CMSS1: variants seen among roughly 807,000 people sequenced by gnomAD.
CMSS1 encodes cms1 ribosomal small subunit homolog, also known as protein CMSS1.
Under a neutral mutation model 43.5 loss-of-function variants are expected in CMSS1, and 33 were observed. The observed-to-expected ratio is 0.76, with a 90% CI of 0.57 to 1.01. CMSS1 has a LOEUF of 1.01. CMSS1 is among the 50% of genes least tolerant of loss of function. CMSS1 has a pLI of 0.00. For synonymous variants in CMSS1, 115 were observed against 117.2 expected, an observed-to-expected ratio of 0.98 and a Z score of 0.12; for missense variants, 313 against 326.4, an observed-to-expected ratio of 0.96 and a Z score of 0.32.
At chr3:100,095,571 G>A (rs2066191345) in intron 1 of CMSS1, among the ~76,000 whole-genome samples, 1 of 151,996 alleles carries the variant, frequency 6.6e-6, no homozygotes, top group East Asian at 1.9e-4. Context: ...TTTATGTGCA[G>A]AAGAATGAAA....
At chr3:100,024,874 A>C (rs1576650232) in intron 1 of CMSS1, among the ~76,000 whole-genome samples, 1 of 152,168 alleles carries the variant, frequency 6.6e-6, no homozygotes, top group African/African-American at 2.4e-5. Context: ...CAAGCAGGCT[A>C]TCCTGACTTT....
rs536886230 is a variant in CMSS1, at chr3:99,935,370, C to A, written c.64+117327C>A. Among the ~76,000 whole-genome samples the A allele has an allele frequency of 2.6e-5, 4 of 151,904 alleles. No homozygotes were observed. In the East Asian group the frequency reaches 7.7e-4, roughly 29 times the overall value. ...CTAGTGAGTTTACAAGGGAAAAAAA[C>A]CTGCTTAGTTGTCAGTTTAACACAG... On this transcript the variant is annotated intron_variant, in intron 1 of 9. Coordinates refer to ENST00000421999, the MANE Select transcript of CMSS1 (RefSeq NM_032359.4).
At chr3:100,052,366 C>T (rs1402143601) in intron 1 of CMSS1, among the ~76,000 whole-genome samples, 1 of 152,130 alleles carries the variant, frequency 6.6e-6, no homozygotes. Context: ...CACCAAAATT[C>T]CAGGGGGAAC....
chr3:99,997,596 G>T (rs780482030), intron 1 of CMSS1, among the ~76,000 whole-genome samples: 1 of 152,236 alleles, frequency 6.6e-6, no homozygotes. Flanking sequence ...GTAGGGGCAG[G>T]GTGGGAAGGA....
chr3:99,907,257 A>AT (rs1387360120), intron 1 of CMSS1, among the ~76,000 whole-genome samples: 6 of 151,044 alleles, frequency 4.0e-5, no homozygotes, highest in South Asian at 2.1e-4. Context: ...TTTCTTTTTT[A>AT]TTTTTTTTGA....
intron 1 of CMSS1, among the ~76,000 whole-genome samples, chr3:99,891,258 TC>T (rs1706074181): frequency 6.6e-6 from 1 of 152,170 alleles, no homozygotes; most frequent in African/African-American, 2.4e-5. Flanking sequence ...TGTGGGTACT[TC>T]CATCTGGGCA....
intron 1 of CMSS1, chr3:100,023,328 C>G (rs961844745): frequency 6.6e-6 from 1 of 152,586 alleles, no homozygotes; most frequent in Admixed American, 6.5e-5. Context: ...GAGCCTGGCT[C>G]TCAAGAGACA....
At chr3:99,892,419 A>G (rs1002582623) in intron 1 of CMSS1, among the ~76,000 whole-genome samples, 8 of 152,178 alleles carry the variant, frequency 5.3e-5, no homozygotes, top group Non-Finnish European at 1.0e-4. Flanking sequence ...TCCAGCTGTA[A>G]TCATCCAAAA....
Position 99,817,874 on chromosome 3 carries a change from G to C in CMSS1, c.-106G>C. On this transcript the variant is annotated 5_prime_UTR_variant, in exon 1 of 10. Coordinates refer to ENST00000421999, the MANE Select transcript of CMSS1 (RefSeq NM_032359.4). ...GGGCGGAGGCGACAGTGTCTAGCGGGAGCTCCGCGTGTAGCTACGCCGGCC... is the reference window on the plus strand; with the variant it reads ...GGGCGGAGGCGACAGTGTCTAGCGGCAGCTCCGCGTGTAGCTACGCCGGCC... The C allele has an allele frequency of 2.6e-6, 3 of 1,163,872 alleles. No homozygotes were observed. The highest frequency in any genetic ancestry group is 1.9e-4 in the Middle Eastern group (1 of 5,190). The allele number at this position is 1,163,872 out of a possible 1,614,324, so 72.1% of individuals were successfully genotyped here.
intron 1 of CMSS1, among the ~76,000 whole-genome samples, chr3:99,987,467 T>C (rs543722221): frequency 5.4e-5 from 8 of 147,332 alleles, no homozygotes; most frequent in Non-Finnish European, 8.9e-5. Context: ...AGGCAGAGGT[T>C]GCAGTGAGCC....
intron 1 of CMSS1, chr3:100,010,247 C>T (rs9875640): frequency 0.18 from 71,995 of 395,120 alleles, 7,791 homozygotes; most frequent in Admixed American, 0.23. Context: ...GTATGTTTTT[C>T]CCCCCACAAC....
At position 99,983,422 on chromosome 3, in the gene CMSS1, A is replaced by ATATG. The variant is rs1559713456; in HGVS notation, c.65-163550_65-163549insATGT. Among the ~76,000 whole-genome samples, 429 of 86,888 alleles carry ATATG rather than the reference A, an allele frequency of 4.9e-3. 11 individuals are homozygous for ATATG. The highest frequency in any genetic ancestry group is 8.1e-3 in the Non-Finnish European group (374 of 46,022). The allele number at this position is 86,888 out of a possible 152,430, so 57.0% of individuals were successfully genotyped here. A position where few individuals can be genotyped will look rare whatever the true frequency, so the allele number is the denominator to read the frequency against. ...TATATATATATATATATATATATGT[A>ATATG]TGTATGTATGTATATATATGTATGT... On this transcript the variant is annotated intron_variant, in intron 1 of 9. Coordinates refer to ENST00000421999, the MANE Select transcript of CMSS1 (RefSeq NM_032359.4).
chr3:99,911,327 ATATAT>A (rs1706780964), intron 1 of CMSS1, among the ~76,000 whole-genome samples: 1 of 148,506 alleles, frequency 6.7e-6, no homozygotes, highest in Non-Finnish European at 1.5e-5. Flanking sequence ...ATTATATAAT[ATATAT>A]TATATGTTAT....
At chr3:100,079,314 G>A (rs1295963336) in intron 1 of CMSS1, among the ~76,000 whole-genome samples, 1 of 152,214 alleles carries the variant, frequency 6.6e-6, no homozygotes, top group African/African-American at 2.4e-5. Flanking sequence ...CAAGGTAGAG[G>A]AAATAGCCTT....
intron 1 of CMSS1, among the ~76,000 whole-genome samples, chr3:100,010,611 TC>T (rs1189598117): frequency 1.4e-5 from 2 of 141,720 alleles, no homozygotes; most frequent in Non-Finnish European, 3.2e-5. Context: ...AGTTTTTCTT[TC>T]TTTTTTTTTT....
At chr3:100,103,714 C>T (rs1035477323) in intron 1 of CMSS1, among the ~76,000 whole-genome samples, 3 of 152,080 alleles carry the variant, frequency 2.0e-5, no homozygotes, top group Non-Finnish European at 4.4e-5. Context: ...CAAACTGCCC[C>T]CTGGGAAATT....
intron 1 of CMSS1, among the ~76,000 whole-genome samples, chr3:99,881,277 A>G (rs1016420713): frequency 5.3e-5 from 8 of 152,226 alleles, no homozygotes; most frequent in Non-Finnish European, 1.2e-4. Flanking sequence ...TCTGTTACTT[A>G]GGTCCAGTCC....
chr3:99,874,036 A>G (rs1316687875), intron 1 of CMSS1, among the ~76,000 whole-genome samples: 2 of 152,252 alleles, frequency 1.3e-5, no homozygotes, highest in Non-Finnish European at 2.9e-5. Context: ...GGTATCCATG[A>G]TAAGTCATAC....
chr3:100,075,857 C>T (rs1196673071), intron 1 of CMSS1, among the ~76,000 whole-genome samples: 1 of 152,188 alleles, frequency 6.6e-6, no homozygotes, highest in Non-Finnish European at 1.5e-5. Context: ...TTATCTTAAA[C>T]TCTACAAGCT....
Sources: allele counts gnomAD v4.1 joint callset (sites outside exome capture counted in the v4.1 genomes callset), GRCh38; gene constraint gnomAD v4.1.1; transcripts MANE v1.5; gene names NCBI Gene and HGNC (gene_info 2026-07-23, HGNC 2026-07-21).